MSH3: variants seen among roughly 807,000 people sequenced by gnomAD.
MSH3 encodes DNA mismatch repair protein Msh3.
In MSH3, 106 loss-of-function variants were observed where a neutral mutation model predicts 123.3. The ratio of observed to expected loss-of-function variants is 0.86; its 90% CI spans 0.73 to 1.01. The LOEUF (loss-of-function observed/expected upper bound fraction) is 1.01, where lower values mean the gene tolerates loss of function less well. Ranked by LOEUF, MSH3 falls within the 50% of genes least tolerant of loss-of-function variation. The pLI is 0.00. For missense variants in MSH3, 1,459 were observed against 1,347.6 expected, an observed-to-expected ratio of 1.08 and a Z score of -1.29; for synonymous variants, 515 against 481.4, an observed-to-expected ratio of 1.07 and a Z score of -0.91.
chr5:80,854,074 G>A (rs144128894), intron 20 of MSH3, 56 bp from the exon 21 acceptor site: 59 of 1,362,528 alleles, frequency 4.3e-5, no homozygotes, highest in East Asian at 1.9e-4. Context: ...AATAATGTTC[G>A]GCTTCCTAAT....
At chr5:80,785,209 C>T (rs533249810) in intron 17 of MSH3, among the ~76,000 whole-genome samples, 3 of 152,234 alleles carry the variant, frequency 2.0e-5, no homozygotes, top group South Asian at 4.1e-4. Context: ...ATTTATTGTC[C>T]GTTTGTTGTC....
chr5:80,746,968 G>A (rs6151755), intron 12 of MSH3: 1,600 of 157,502 alleles, frequency 0.01, 26 homozygotes, highest in African/African-American at 0.037. Flanking sequence ...GGGTCACTCC[G>A]ATTTCTTTTC....
intron 20 of MSH3, among the ~76,000 whole-genome samples, chr5:80,823,009 A>G (rs984152165): frequency 1.4e-4 from 22 of 152,196 alleles, no homozygotes; most frequent in African/African-American, 4.8e-4. Context: ...ACTTCGGGAT[A>G]TATTTTGCAG....
At chr5:80,846,069 G>T (rs190696187) in intron 20 of MSH3, among the ~76,000 whole-genome samples, 113 of 152,234 alleles carry the variant, frequency 7.4e-4, no homozygotes, top group Non-Finnish European at 1.4e-3. Flanking sequence ...TGATGTTGGT[G>T]ACCTACAGGT....
chr5:80,795,869 G>A (rs1489622321), intron 19 of MSH3, among the ~76,000 whole-genome samples: 1 of 151,950 alleles, frequency 6.6e-6, no homozygotes, highest in African/African-American at 2.4e-5. Flanking sequence ...AAATTAGCTG[G>A]GCATGGTGGC....
intron 18 of MSH3, among the ~76,000 whole-genome samples, chr5:80,792,058 G>A (rs1010225778): frequency 6.6e-6 from 1 of 152,168 alleles, no homozygotes; most frequent in Non-Finnish European, 1.5e-5. Context: ...ATTGAACAGC[G>A]TATGAAAATT....
chr5:80,851,013 C>G (rs1372871755), intron 20 of MSH3, among the ~76,000 whole-genome samples: 2 of 152,132 alleles, frequency 1.3e-5, no homozygotes, highest in Non-Finnish European at 2.9e-5. Context: ...TTAACATTCA[C>G]TATGTTATTA....
At chr5:80,723,820 T>C (rs1751138770) in intron 8 of MSH3, among the ~76,000 whole-genome samples, 1 of 152,104 alleles carries the variant, frequency 6.6e-6, no homozygotes, top group Non-Finnish European at 1.5e-5. Context: ...TGGAGTGCAG[T>C]GGTGTGATCA....
At chr5:80,759,293 A>G (rs1486661303) in intron 12 of MSH3, among the ~76,000 whole-genome samples, 1 of 152,208 alleles carries the variant, frequency 6.6e-6, no homozygotes, top group Non-Finnish European at 1.5e-5. Flanking sequence ...TAGTATGGGA[A>G]ATGATAGTAA....
At chr5:80,772,001 A>AGTAT (rs1258512692) in intron 15 of MSH3, among the ~76,000 whole-genome samples, 1 of 152,112 alleles carries the variant, frequency 6.6e-6, no homozygotes, top group Non-Finnish European at 1.5e-5. Context: ...TATGTATGAA[A>AGTAT]GTATGTATGT....
intron 8 of MSH3, among the ~76,000 whole-genome samples, chr5:80,702,805 A>C (rs1019578586): frequency 6.6e-6 from 1 of 152,170 alleles, no homozygotes; most frequent in Non-Finnish European, 1.5e-5. Context: ...TGAGCTCAGG[A>C]GTTTGAGACC....
intron 20 of MSH3, among the ~76,000 whole-genome samples, chr5:80,837,956 G>A (rs1745546493): frequency 6.6e-6 from 1 of 152,102 alleles, no homozygotes; most frequent in African/African-American, 2.4e-5. Context: ...GCCAGCTGTA[G>A]GCTGGGGACT....
intron 23 of MSH3, among the ~76,000 whole-genome samples, chr5:80,874,949 T>G (rs936699970): frequency 4.6e-5 from 7 of 152,240 alleles, no homozygotes; most frequent in Non-Finnish European, 8.8e-5. Context: ...ACCTTTTTTC[T>G]AAAAGTGCTT....
chr5:80,713,958 G>A (rs1276948829), intron 8 of MSH3, among the ~76,000 whole-genome samples: 4 of 151,986 alleles, frequency 2.6e-5, no homozygotes, highest in Admixed American at 6.6e-5. Flanking sequence ...ACAGTTTGAG[G>A]AAATCAAGAC....
At chr5:80,691,909 AC>A (rs992103991) in intron 8 of MSH3, among the ~76,000 whole-genome samples, 3 of 133,324 alleles carry the variant, frequency 2.3e-5, no homozygotes, top group Non-Finnish European at 4.8e-5. Context: ...ATATAGATAA[AC>A]ATGTATATGT....
Position 80,693,836 on chromosome 5 carries a change from T to A in MSH3, c.1340+14743T>A, listed in dbSNP as rs1440112864. ...CCACGCCTGGCTAATTTTTGCATAT[T>A]TTTAGTAGAGATGGGGTTTCACCAT... is the stretch of plus-strand genomic sequence containing the variant. On this transcript the variant is annotated intron_variant, in intron 8 of 23. Coordinates refer to ENST00000265081, the MANE Select transcript of MSH3 (RefSeq NM_002439.5). Among the ~76,000 whole-genome samples, 3 of 152,162 alleles carry A rather than the reference T, an allele frequency of 2.0e-5. No individual in the cohort carries two copies. The East Asian group carries it at 5.8e-4, about 29-fold the overall frequency.
chr5:80,805,491 G>A (rs1014065123), intron 19 of MSH3, among the ~76,000 whole-genome samples: 2 of 151,384 alleles, frequency 1.3e-5, no homozygotes, highest in Non-Finnish European at 2.9e-5. Flanking sequence ...AACTTGTACC[G>A]TAGAACTTTT....
chr5:80,739,821 A>G (rs1338980258), intron 10 of MSH3, among the ~76,000 whole-genome samples: 1 of 152,184 alleles, frequency 6.6e-6, no homozygotes, highest in Non-Finnish European at 1.5e-5. Context: ...TAGTCAAAGG[A>G]GTCATCTAGA....
intron 20 of MSH3, among the ~76,000 whole-genome samples, chr5:80,842,029 A>G (rs919815805): frequency 1.3e-5 from 2 of 152,086 alleles, no homozygotes; most frequent in African/African-American, 4.8e-5. Context: ...TAGGGTTTTT[A>G]TGGTTTTAGG....
Sources: allele counts gnomAD v4.1 joint callset (sites outside exome capture counted in the v4.1 genomes callset), GRCh38; gene constraint gnomAD v4.1.1; transcripts MANE v1.5; gene names NCBI Gene and HGNC (gene_info 2026-07-23, HGNC 2026-07-21).